Variants in TNIP2 observed in about 807,000 individuals in gnomAD.
TNIP2 encodes TNFAIP3-interacting protein 2.
TNIP2 carries 30 observed loss-of-function variants against 43.7 expected under a neutral mutation model. The observed-to-expected ratio is 0.69, with a 90% CI of 0.51 to 0.93. The LOEUF is 0.93. Ranked by LOEUF, TNIP2 falls within the 40% of genes least tolerant of loss-of-function variation. The pLI is 0.00. For synonymous variants in TNIP2, 260 were observed against 254.6 expected (o/e 1.02, Z -0.20); for missense variants, 599 against 591.0 (o/e 1.01, Z -0.14).
At chr4:2,754,981 C>A (rs1361521939) in intron 1 of TNIP2, among the ~76,000 whole-genome samples, 1 of 152,174 alleles carries the variant, frequency 6.6e-6, no homozygotes, top group East Asian at 1.9e-4. Flanking sequence ...CGCCTTGCCT[C>A]CGAAAGTACT....
intron 1 of TNIP2, among the ~76,000 whole-genome samples, chr4:2,754,214 T>C (rs1485979846): frequency 6.6e-6 from 1 of 152,276 alleles, no homozygotes; most frequent in Non-Finnish European, 1.5e-5. Flanking sequence ...GCTTAGTTTC[T>C]TTCCTGGGCA....
intron 1 of TNIP2, 54 bp from the exon 2 acceptor site, chr4:2,747,999 G>C: frequency 1.9e-6 from 3 of 1,573,454 alleles, no homozygotes; most frequent in East Asian, 2.2e-5. Context: ...GCAGTGTCAA[G>C]AGCAAATGTT....
chr4:2,748,854 C>T (rs185090683), intron 1 of TNIP2, among the ~76,000 whole-genome samples: 68 of 149,966 alleles, frequency 4.5e-4, no homozygotes, highest in South Asian at 1.1e-3. Context: ...AGTGCAGTGG[C>T]ACAATCATGG....
At chr4:2,745,170 T>G (rs760687274) in intron 3 of TNIP2, among the ~76,000 whole-genome samples, 4 of 152,202 alleles carry the variant, frequency 2.6e-5, no homozygotes, top group Non-Finnish European at 4.4e-5. Context: ...GGAGGTGGAC[T>G]CGGTGCAGCT....
intron 1 of TNIP2, among the ~76,000 whole-genome samples, chr4:2,755,735 C>CT (rs1157527239): frequency 7.8e-6 from 1 of 128,474 alleles, no homozygotes; most frequent in Admixed American, 7.3e-5. Flanking sequence ...ACCTAGTGTC[C>CT]CTCAACCCCA....
chr4:2,756,215 G>A lies in TNIP2; in HGVS notation c.75C>T (p.His25=). Residue 25 remains histidine (H), a synonymous_variant, in exon 1 of 6, where the codon CAC becomes CAT. Coordinates refer to ENST00000315423, the MANE Select transcript of TNIP2 (RefSeq NM_024309.4). ...GGCGGCGCAGCCGCTGTCCGGCCTC[G>A]TGGTACAGGGTGCAGAGCGCGGCAG... ...RAAAALCTLY[H]EAGQRLRRLQ... 6.8e-7 allele frequency: 1 copy of A among 1,471,756 alleles called. No homozygotes were observed. The highest frequency in any genetic ancestry group is 2.3e-4 in the Middle Eastern group (1 of 4,262). 91.2% of individuals were successfully genotyped at this position (1,471,756 alleles called of 1,614,324 possible). A position where few individuals can be genotyped will look rare whatever the true frequency, so the allele number is the denominator to read the frequency against.
intron 1 of TNIP2, among the ~76,000 whole-genome samples, chr4:2,748,712 T>G (rs1577310048): frequency 7.4e-6 from 1 of 134,852 alleles, no homozygotes; most frequent in South Asian, 2.1e-4. Context: ...CAGGCTAATC[T>G]CGAATTCCTG....
In TNIP2 at chr4:2,756,302, GC is replaced by G; in HGVS notation, c.-14del. 8.2e-7 allele frequency: 1 copy of G among 1,222,534 alleles called. No individual in the cohort carries two copies. The highest frequency in any genetic ancestry group is 1.0e-6 in the Non-Finnish European group (1 of 982,640). The allele number at this position is 1,222,534 out of a possible 1,614,324, so 75.7% of individuals were successfully genotyped here. ...GGTCCCGGGACATGGCTGTAGGCCC[GC>G]CCGGGAGGCCGCGCGGCCGCCGGCA... On this transcript the variant is annotated 5_prime_UTR_variant, in exon 1 of 6. Coordinates refer to ENST00000315423, the MANE Select transcript of TNIP2 (RefSeq NM_024309.4).
intron 5 of TNIP2, among the ~76,000 whole-genome samples, chr4:2,743,727 G>A (rs190227573): frequency 6.6e-6 from 1 of 152,326 alleles, no homozygotes; most frequent in Admixed American, 6.5e-5. Flanking sequence ...TCTTTGAGTG[G>A]GGCCCAGGCT....
In TNIP2 at chr4:2,744,725, A is replaced by C; in HGVS notation, c.878T>G (p.Leu293Trp). Residue 293 changes from leucine to tryptophan, a missense_variant, in exon 4 of 6, where the codon TTG becomes TGG. Transcript: ENST00000315423. The surrounding 1 kb of genome is among the most constrained non-coding windows in gnomAD (Gnocchi z 5.1). ...AASRTARDAALERVQMLEQQI... is the reference protein window; with the variant it reads ...AASRTARDAAWERVQMLEQQI... ...CTGTTCCAGCATCTGCACCCGCTCC[A>C]ACGCAGCATCCCGGGCCGTCCTGGA... 1 of 1,605,460 alleles carries C rather than the reference A, an allele frequency of 6.2e-7. No individual in the cohort carries two copies. Among genetic ancestry groups the C allele is most frequent in the Non-Finnish European group, 8.5e-7 (1 of 1,179,944 alleles).
At chr4:2,745,634 C>T (rs1721927051) in intron 2 of TNIP2, 99 bp from the exon 3 acceptor site, 4 of 800,538 alleles carry the variant, frequency 5.0e-6, no homozygotes, top group African/African-American at 1.7e-5. Context: ...TCACTGCGTC[C>T]CCCAGTGCAG....
At position 2,748,035 on chromosome 4, in the gene TNIP2, G is replaced by A. The variant is rs1722000421; in HGVS notation, c.277-90C>T. On this transcript the variant is annotated intron_variant, in intron 1 of 5. Transcript: ENST00000315423. Reference sequence around the variant, plus strand: ...CAGAAAGCAAAAGAAGACCTGGCGTGGATGCCCCATCACCAGACACAAACA... The same window carrying A: ...CAGAAAGCAAAAGAAGACCTGGCGTAGATGCCCCATCACCAGACACAAACA... 8.7e-6 allele frequency: 12 copies of A among 1,381,904 alleles called. No homozygotes were observed. In the East Asian group the frequency reaches 2.8e-4, roughly 33 times the overall value. The allele number at this position is 1,381,904 out of a possible 1,614,324, so 85.6% of individuals were successfully genotyped here.
At position 2,744,299 on chromosome 4, in the gene TNIP2, T is replaced by C; in HGVS notation, c.1026+88A>G. The C allele has an allele frequency of 6.4e-7, 1 of 1,551,258 alleles. No individual in the cohort carries two copies. On this transcript the variant is annotated intron_variant, in intron 5 of 5. Transcript: ENST00000315423. This position sits in a 1 kb window ranked among gnomAD's most constrained non-coding sequence, Gnocchi z 5.1. ...CCCTCATCACCAGCAAATCAGGGCC[T>C]TGGCAGACACAGAAAGGCTCTAATC...
In TNIP2 at chr4:2,744,756, C is replaced by A; in HGVS notation, c.847G>T (p.Ala283Ser). 1.2e-6 allele frequency: 2 copies of A among 1,609,558 alleles called. No homozygotes were observed. Among genetic ancestry groups the A allele is most frequent in the Non-Finnish European group, 1.7e-6 (2 of 1,180,036 alleles). Residue 283 changes from alanine (A) to serine (S), a missense_variant, in exon 4 of 6, where the codon GCG becomes TCG. Ala to Ser is a moderately conservative substitution (Grantham distance 99, BLOSUM62 1). Coordinates refer to ENST00000315423, the MANE Select transcript of TNIP2 (RefSeq NM_024309.4). The surrounding 1 kb of genome is among the most constrained non-coding windows in gnomAD (Gnocchi z 5.1). The part of the protein sequence containing the change: ...NDCAEVKQEL[A>S]ASRTARDAAL... Reference sequence around the variant, plus strand: ...GCATCCCGGGCCGTCCTGGAGGCCGCCAGCTCCTGCTTCACTTCGGCACAG... The same window carrying A: ...GCATCCCGGGCCGTCCTGGAGGCCGACAGCTCCTGCTTCACTTCGGCACAG...
chr4:2,753,804 TC>T (rs1391788509), intron 1 of TNIP2, among the ~76,000 whole-genome samples: 1 of 152,116 alleles, frequency 6.6e-6, no homozygotes, highest in African/African-American at 2.4e-5. Context: ...CCTCTAAACT[TC>T]CCTTCTGCTC....
In TNIP2 at chr4:2,742,281, C is replaced by A; in HGVS notation, c.1266G>T (p.Arg422Ser). ...FSDEQGEELL[R>S]HVAECCQ ...GTCACTGGCAGCACTCAGCCACATG[C>A]CTGAGGAGCTCTTCCCCTTGCTCGT... The change falls in exon 6 of 6, where the codon AGG becomes AGT. Residue 422 changes from arginine (R) to serine (S), a missense_variant. Coordinates refer to ENST00000315423, the MANE Select transcript of TNIP2 (RefSeq NM_024309.4). 4 of 1,504,768 alleles carry A rather than the reference C, an allele frequency of 2.7e-6. No individual in the cohort carries two copies. Among genetic ancestry groups the A allele is most frequent in the Non-Finnish European group, 2.7e-6 (3 of 1,122,200 alleles). 93.2% of individuals were successfully genotyped at this position (1,504,768 alleles called of 1,614,324 possible). A position where few individuals can be genotyped will look rare whatever the true frequency, so the allele number is the denominator to read the frequency against.
At position 2,747,959 on chromosome 4, in the gene TNIP2, T is replaced by A; in HGVS notation, c.277-14A>T. On this transcript the variant is annotated splice_polypyrimidine_tract_variant and intron_variant, in intron 1 of 5. Transcript: ENST00000315423. ...CCTCTCAATTTCCTAAGTGGAAGAT[T>A]TAAAAGCACAGTTTACTGAATTAAA... The A allele has an allele frequency of 6.2e-7, 1 of 1,607,142 alleles. No homozygotes were observed. The highest frequency in any genetic ancestry group is 8.5e-7 in the Non-Finnish European group (1 of 1,178,014).
At chr4:2,747,461 C>G (rs1721978056) in intron 2 of TNIP2, 194 bp downstream of exon 2, 13 of 640,340 alleles carry the variant, frequency 2.0e-5, no homozygotes, top group Non-Finnish European at 3.5e-5. Context: ...GCCTGCTTTC[C>G]TATTACATTT....
At chr4:2,742,562 C>G (rs3208469) in intron 5 of TNIP2, 42 bp from the exon 6 acceptor site, 60,285 of 1,449,108 alleles carry the variant, frequency 0.042, 2,956 homozygotes, top group African/African-American at 0.25. Flanking sequence ...GCTGTGCTGA[C>G]GGTCACAAAG....
Sources: allele counts gnomAD v4.1 joint callset (sites outside exome capture counted in the v4.1 genomes callset), GRCh38; gene constraint gnomAD v4.1.1; non-coding constraint Gnocchi (gnomAD v3.1); transcripts MANE v1.5; gene names NCBI Gene and HGNC (gene_info 2026-07-23, HGNC 2026-07-21).